PTCHD4: variants seen among roughly 807,000 people sequenced by gnomAD.
PTCHD4 encodes patched domain containing 4, also known as patched domain-containing protein 4.
In PTCHD4, 33 loss-of-function variants were observed where a neutral mutation model predicts 58.1. The ratio of observed to expected loss-of-function variants is 0.57; its 90% CI spans 0.43 to 0.76. The LOEUF (loss-of-function observed/expected upper bound fraction) is 0.76, where lower values mean the gene tolerates loss of function less well. Among genes scored for constraint, PTCHD4 ranks in the 30% least tolerant of loss-of-function variants. The pLI is 0.00. For synonymous variants in PTCHD4, 478 were observed against 409.6 expected, an observed-to-expected ratio of 1.17 and a Z score of -2.02; for missense variants, 1,058 against 1,027.1, an observed-to-expected ratio of 1.03 and a Z score of -0.41.
intron 3 of PTCHD4, among the ~76,000 whole-genome samples, chr6:48,025,587 C>T (rs1763217615): frequency 6.6e-6 from 1 of 152,164 alleles, no homozygotes; most frequent in South Asian, 2.1e-4. Context: ...ATCTAACATT[C>T]TTCACTTACA....
chr6:47,987,497 A>T (rs1352607095), intron 4 of PTCHD4, among the ~76,000 whole-genome samples: 1 of 151,986 alleles, frequency 6.6e-6, no homozygotes, highest in Non-Finnish European at 1.5e-5. Context: ...ATATTCCAAG[A>T]TTATGTCATT....
intron 4 of PTCHD4, among the ~76,000 whole-genome samples, chr6:48,007,927 TGCGC>T (rs201892083): frequency 1.8e-4 from 11 of 60,350 alleles, no homozygotes; most frequent in Admixed American, 1.2e-3. Context: ...AAAGAATATG[TGCGC>T]GCGCGCACAC....
At chr6:48,053,225 G>C (rs1024649189) in intron 3 of PTCHD4, among the ~76,000 whole-genome samples, 1 of 152,078 alleles carries the variant, frequency 6.6e-6, no homozygotes, top group African/African-American at 2.4e-5. Flanking sequence ...AATTTGGCCG[G>C]AGAATGTCAA....
At chr6:47,984,674 T>G (rs758057734) in intron 4 of PTCHD4, among the ~76,000 whole-genome samples, 20 of 152,196 alleles carry the variant, frequency 1.3e-4, no homozygotes, top group Admixed American at 4.6e-4. Flanking sequence ...GGAGAATATC[T>G]AAATATACCC....
intron 4 of PTCHD4, among the ~76,000 whole-genome samples, chr6:47,925,844 C>A (rs1409472440): frequency 2.0e-5 from 3 of 152,148 alleles, no homozygotes; most frequent in Admixed American, 1.3e-4. Flanking sequence ...GTTACATATG[C>A]CTCCTTTATC....
intron 3 of PTCHD4, among the ~76,000 whole-genome samples, chr6:48,054,873 G>A (rs1764353890): frequency 6.6e-6 from 1 of 152,108 alleles, no homozygotes; most frequent in South Asian, 2.1e-4. Context: ...AGGATTCTGA[G>A]TTTATATTAA....
intron 4 of PTCHD4, among the ~76,000 whole-genome samples, chr6:47,914,733 TTATCTATCTATTATCTATCTATC>T (rs1293598132): frequency 7.3e-4 from 45 of 61,716 alleles, no homozygotes; most frequent in African/African-American, 1.8e-3. Context: ...TATCTATCTA[TTATCTATCTATTATCTATCTATC>T]TATCTATCTA....
intron 4 of PTCHD4, among the ~76,000 whole-genome samples, chr6:47,986,600 AC>A (rs1175787847): frequency 6.6e-6 from 1 of 152,150 alleles, no homozygotes; most frequent in East Asian, 1.9e-4. Context: ...CCTGTCTTCA[AC>A]TGCTTTATAA....
chr6:47,973,932 C>G (rs1376864877), intron 4 of PTCHD4, among the ~76,000 whole-genome samples: 3 of 152,148 alleles, frequency 2.0e-5, no homozygotes, highest in Admixed American at 2.0e-4. Flanking sequence ...CAAGTAGTAA[C>G]ATCAAAGCTA....
chr6:47,944,374 CA>C (rs916888123), intron 4 of PTCHD4, among the ~76,000 whole-genome samples: 1 of 152,020 alleles, frequency 6.6e-6, no homozygotes, highest in Non-Finnish European at 1.5e-5. Context: ...ATTTGCAACC[CA>C]TTTTTGAAAC....
At position 47,857,845 on chromosome 6, in the gene PTCHD4, C is replaced by T. The variant is rs569608732; in HGVS notation, c.*20458G>A. ...TTCTTTTTACAAGCTGGTACTTTAA[C>T]ATCTACCTCCCAAAGTTAATTTCAT... On this transcript the variant is annotated 3_prime_UTR_variant, in exon 5 of 5. Coordinates refer to ENST00000339488, the MANE Select transcript of PTCHD4 (RefSeq NM_001384253.1). 5.2e-4 allele frequency among the ~76,000 whole-genome samples: 78 copies of T among 150,774 alleles called. No homozygotes were observed. The highest frequency in any genetic ancestry group is 8.7e-4 in the Non-Finnish European group (59 of 67,932).
At chr6:47,937,644 C>A (rs1766052373) in intron 4 of PTCHD4, among the ~76,000 whole-genome samples, 1 of 152,050 alleles carries the variant, frequency 6.6e-6, no homozygotes, top group Admixed American at 6.6e-5. Context: ...TGGAGGTGTA[C>A]CTTTGGAGTT....
rs965344474 is a variant in PTCHD4, at chr6:47,861,863, A to G, written c.*16440T>C. Reference sequence around the variant, plus strand: ...TTGGCACATTATAGGTTCTTAATCCATGTTTGTTGGATGGATTAATGAATG... The same window carrying G: ...TTGGCACATTATAGGTTCTTAATCCGTGTTTGTTGGATGGATTAATGAATG... On this transcript the variant is annotated 3_prime_UTR_variant, in exon 5 of 5. Transcript: ENST00000339488. 6.6e-6 allele frequency among the ~76,000 whole-genome samples: 1 copy of G among 151,866 alleles called. No homozygotes were observed. The highest frequency in any genetic ancestry group is 1.5e-5 in the Non-Finnish European group (1 of 67,884).
chr6:48,098,420 C>A (rs1419142542), intron 1 of PTCHD4, among the ~76,000 whole-genome samples: 3 of 151,466 alleles, frequency 2.0e-5, no homozygotes, highest in East Asian at 1.9e-4. Context: ...CTCGCTGCAA[C>A]CTCCACCTCC....
chr6:47,867,555 A>G lies in PTCHD4; in HGVS notation c.*10748T>C, dbSNP rs1270366280. ...GCAATGCTTTATAATACCACTCACA[A>G]TGGGCGCTTCCTTTTTATTCCCATC... On this transcript the variant is annotated 3_prime_UTR_variant, in exon 5 of 5. Transcript: ENST00000339488. Among the ~76,000 whole-genome samples, 5 of 151,634 alleles carry G rather than the reference A, an allele frequency of 3.3e-5. No individual in the cohort carries two copies. The highest frequency in any genetic ancestry group is 7.4e-5 in the Non-Finnish European group (5 of 67,798).
chr6:47,965,756 G>A (rs548917423), intron 4 of PTCHD4, among the ~76,000 whole-genome samples: 31 of 152,092 alleles, frequency 2.0e-4, no homozygotes, highest in South Asian at 8.3e-4. Flanking sequence ...GTGAAACCCC[G>A]TCTCTACTAA....
At chr6:48,043,087 T>C (rs1763902271) in intron 3 of PTCHD4, among the ~76,000 whole-genome samples, 1 of 151,762 alleles carries the variant, frequency 6.6e-6, no homozygotes, top group Non-Finnish European at 1.5e-5. Context: ...GAACAAACAT[T>C]AGAGCTGGGA....
At position 47,918,432 on chromosome 6, in the gene PTCHD4, C is replaced by T. The variant is rs1158204959; in HGVS notation, c.899-38496G>A. Among the ~76,000 whole-genome samples, 3 of 152,028 alleles carry T rather than the reference C, an allele frequency of 2.0e-5. No homozygotes were observed. In the East Asian group the frequency reaches 5.8e-4, roughly 29 times the overall value. On this transcript the variant is annotated intron_variant, in intron 4 of 4. Transcript: ENST00000339488. ...GGATCCTGGACTACAAGACAAGAAC[C>T]AGGACAACAAAGTACCAAAAAAGTT...
chr6:47,898,441 T>C (rs1300066493), intron 4 of PTCHD4, among the ~76,000 whole-genome samples: 1 of 152,214 alleles, frequency 6.6e-6, no homozygotes, highest in Non-Finnish European at 1.5e-5. Context: ...ACACAGTAAT[T>C]AGTCAAAACT....
Sources: allele counts gnomAD v4.1 joint callset (sites outside exome capture counted in the v4.1 genomes callset), GRCh38; gene constraint gnomAD v4.1.1; transcripts MANE v1.5; gene names NCBI Gene and HGNC (gene_info 2026-07-23, HGNC 2026-07-21).